ROS1: variants seen among roughly 807,000 people sequenced by gnomAD.
ROS1 encodes the protein ROS proto-oncogene 1, receptor tyrosine kinase.
Under a neutral mutation model 273.5 loss-of-function variants are expected in ROS1, and 263 were observed. That is an observed-to-expected ratio of 0.96 (90% CI 0.87 to 1.06). The LOEUF (loss-of-function observed/expected upper bound fraction) is 1.06, where lower values mean the gene tolerates loss of function less well. ROS1 is among the 50% of genes least tolerant of loss of function. The probability of loss-of-function intolerance (pLI) is 0.00; values close to 1 mark genes in which losing one functional copy is unlikely to be tolerated. For synonymous variants in ROS1, 1,008 were observed against 954.1 expected (o/e 1.06, Z -1.04); for missense variants, 2,833 against 2,751.1 (o/e 1.03, Z -0.67).
Position 117,287,884 on chromosome 6 carries a change from C to T in ROS1, c.*608G>A, listed in dbSNP as rs1773546856. Among the ~76,000 whole-genome samples the T allele has an allele frequency of 6.8e-6, 1 of 148,038 alleles. No homozygotes were observed. The highest frequency in any genetic ancestry group is 1.5e-5 in the Non-Finnish European group (1 of 67,592). On this transcript the variant is annotated 3_prime_UTR_variant, in exon 44 of 44. Coordinates refer to ENST00000368507, the MANE Select transcript of ROS1 (RefSeq NM_001378902.1). The stretch of plus-strand genomic sequence containing the variant: ...GCAGTGCCGAGATCGTGCCATTGAA[C>T]TCCAGCCTGGGCAACAGAGCAAGAC...
rs56113300 is a variant in ROS1, at chr6:117,326,091, TTATATATATATATATATATATA to T, written c.5539+111_5539+132del. The T allele has an allele frequency of 1.1e-4, 17 of 148,354 alleles. 4 individuals are homozygous for T. Among genetic ancestry groups the T allele is most frequent in the Admixed American group, 3.3e-4 (4 of 11,970 alleles). 9.2% of individuals were successfully genotyped at this position (148,354 alleles called of 1,614,324 possible). A position where few individuals can be genotyped will look rare whatever the true frequency, so the allele number is the denominator to read the frequency against. On this transcript the variant is annotated intron_variant, in intron 34 of 43. Transcript: ENST00000368507. ...TAGTTTAATAGTTTGGATAATAAGATTATATATATATATATATATATATATATATATATATAGTCACCATTAT... is the reference window on the plus strand; with the variant it reads ...TAGTTTAATAGTTTGGATAATAAGATTATATATATATATAGTCACCATTAT...
intron 32 of ROS1, among the ~76,000 whole-genome samples, chr6:117,335,978 A>G (rs1054262115): frequency 1.3e-5 from 2 of 152,158 alleles, no homozygotes; most frequent in African/African-American, 2.4e-5. Flanking sequence ...AAAAAAAGAA[A>G]TATTCAGAAA....
intron 22 of ROS1, among the ~76,000 whole-genome samples, chr6:117,362,012 C>T (rs1779840023): frequency 6.6e-6 from 1 of 151,958 alleles, no homozygotes; most frequent in Non-Finnish European, 1.5e-5. Context: ...AACACATGTA[C>T]CCCAAATGTA....
At position 117,412,951 on chromosome 6, in the gene ROS1, A is replaced by AT. The variant is rs201263865; in HGVS notation, c.255+1567dup. Among the ~76,000 whole-genome samples, 800 of 151,336 alleles carry AT rather than the reference A, an allele frequency of 5.3e-3. 8 individuals carry two copies. The highest frequency in any genetic ancestry group is 0.019 in the African/African-American group (772 of 41,294). On this transcript the variant is annotated intron_variant, in intron 4 of 43. Transcript: ENST00000368507. ...CATCACATAAAAGGATTTGCAGGCA[A>AT]TTTTTTTTTCTATCTCAATGAGGAG...
chr6:117,316,845 A>G (rs1374893943), intron 39 of ROS1, among the ~76,000 whole-genome samples: 1 of 152,108 alleles, frequency 6.6e-6, no homozygotes, highest in Non-Finnish European at 1.5e-5. Flanking sequence ...AAGTACAGAG[A>G]TATGCCTTTC....
At position 117,319,864 on chromosome 6, in the gene ROS1, T is replaced by C; in HGVS notation, c.5922+4A>G. The C allele has an allele frequency of 1.2e-6, 2 of 1,612,010 alleles. No homozygotes were observed. The highest frequency in any genetic ancestry group is 2.2e-5 in the South Asian group (2 of 90,948). On this transcript the variant is annotated splice_donor_region_variant and intron_variant, in intron 37 of 43. Transcript: ENST00000368507. ...GTGTCAAGGAGTTCGAAGATTCACATTACCTTCACTGCTACTTTGATTTCT... is the reference window on the plus strand; with the variant it reads ...GTGTCAAGGAGTTCGAAGATTCACACTACCTTCACTGCTACTTTGATTTCT...
chr6:117,295,990 A>G (rs1387980586), intron 43 of ROS1, among the ~76,000 whole-genome samples: 1 of 152,234 alleles, frequency 6.6e-6, no homozygotes, highest in Non-Finnish European at 1.5e-5. Context: ...ACTGCTGTAC[A>G]TATGCCCAAA....
At chr6:117,351,519 C>T (rs532934748) in intron 27 of ROS1, among the ~76,000 whole-genome samples, 1 of 151,756 alleles carries the variant, frequency 6.6e-6, no homozygotes, top group Non-Finnish European at 1.5e-5. Flanking sequence ...GACAGGATGC[C>T]CCTCGAGTTT....
chr6:117,290,873 G>A (rs1406886570), intron 43 of ROS1, among the ~76,000 whole-genome samples: 1 of 151,990 alleles, frequency 6.6e-6, no homozygotes, highest in African/African-American at 2.4e-5. Flanking sequence ...TCTTCTCTAC[G>A]TACATATCTC....
chr6:117,420,083 G>A (rs1775637116), intron 1 of ROS1, among the ~76,000 whole-genome samples: 1 of 151,952 alleles, frequency 6.6e-6, no homozygotes, highest in East Asian at 1.9e-4. Context: ...ACCCTATAAG[G>A]TAGCTGCTAT....
At chr6:117,409,736 T>G (rs2243375) in intron 4 of ROS1, 94 bp from the exon 5 acceptor site, 64,544 of 893,494 alleles carry the variant, frequency 0.072, 2,608 homozygotes, top group Middle Eastern at 0.085. Context: ...ATGCCTAATA[T>G]GCAAGTATAT....
At chr6:117,343,168 A>T (rs533741869) in intron 28 of ROS1, among the ~76,000 whole-genome samples, 37 of 152,198 alleles carry the variant, frequency 2.4e-4, no homozygotes, top group African/African-American at 8.2e-4. Context: ...AGAAGACAAT[A>T]AGATAGATTA....
At position 117,314,322 on chromosome 6, in the gene ROS1, T is replaced by C. The variant is rs527876004; in HGVS notation, c.6117+2821A>G. Among the ~76,000 whole-genome samples the C allele has an allele frequency of 5.3e-5, 8 of 150,810 alleles. No homozygotes were observed. The East Asian group carries it at 1.6e-3, about 30-fold the overall frequency. Reference sequence around the variant, plus strand: ...GGAAGAGGGAAAGCAGATGGAGGAGTGGTAATTTAGCAGAGCCAAGAGAGA... The same window carrying C: ...GGAAGAGGGAAAGCAGATGGAGGAGCGGTAATTTAGCAGAGCCAAGAGAGA... On this transcript the variant is annotated intron_variant, in intron 39 of 43. Transcript: ENST00000368507.
At chr6:117,297,065 C>T (rs1283089751) in intron 43 of ROS1, among the ~76,000 whole-genome samples, 1 of 152,012 alleles carries the variant, frequency 6.6e-6, no homozygotes. Context: ...GAAATAAAGC[C>T]ACATATTTAT....
At chr6:117,393,125 G>A in intron 12 of ROS1, 99 bp downstream of exon 12, 1 of 773,892 alleles carries the variant, frequency 1.3e-6, no homozygotes, top group Non-Finnish European at 2.3e-6. Flanking sequence ...TGCATAGATA[G>A]GCTCATCTGG....
At chr6:117,399,528 G>C (rs925982515) in intron 7 of ROS1, among the ~76,000 whole-genome samples, 5 of 152,176 alleles carry the variant, frequency 3.3e-5, no homozygotes, top group African/African-American at 1.2e-4. Context: ...GCTCTGCTTA[G>C]GTCCAAGGCC....
intron 32 of ROS1, among the ~76,000 whole-genome samples, chr6:117,331,574 G>A (rs1292999323): frequency 6.6e-6 from 1 of 152,044 alleles, no homozygotes; most frequent in Non-Finnish European, 1.5e-5. Flanking sequence ...AGTAAAAACT[G>A]TTAAGGGCAG....
chr6:117,288,997 A>G (rs1293905884), intron 43 of ROS1, among the ~76,000 whole-genome samples, 195 bp from the exon 44 acceptor site: 2 of 152,256 alleles, frequency 1.3e-5, no homozygotes, highest in Non-Finnish European at 2.9e-5. Flanking sequence ...GCAGTCTAGC[A>G]GGGAAGCAGA....
intron 32 of ROS1, among the ~76,000 whole-genome samples, chr6:117,336,355 T>C (rs1777463047): frequency 6.6e-6 from 1 of 151,640 alleles, no homozygotes; most frequent in Admixed American, 6.6e-5. Context: ...CCAGTGTGTG[T>C]TGTTCCCCTC....
Sources: allele counts gnomAD v4.1 joint callset (sites outside exome capture counted in the v4.1 genomes callset), GRCh38; gene constraint gnomAD v4.1.1; transcripts MANE v1.5; gene names NCBI Gene and HGNC (gene_info 2026-07-23, HGNC 2026-07-21).